The following RRH variants were observed in gnomAD, a reference collection of about 807,000 sequenced individuals.
RRH encodes visual pigment-like receptor peropsin.
In RRH, 36 loss-of-function variants were observed where a neutral mutation model predicts 33.1. That is an observed-to-expected ratio of 1.09 (90% confidence interval 0.83 to 1.44). The LOEUF (loss-of-function observed/expected upper bound fraction) is 1.44. RRH is among the 40% of genes most tolerant of loss of function. The pLI is 0.00. For synonymous variants in RRH, 124 were observed against 140.2 expected (o/e 0.88, Z 0.82); for missense variants, 393 against 420.2 (o/e 0.94, Z 0.57).
Position 109,834,527 on chromosome 4 carries a change from T to A in RRH, c.298-839T>A, listed in dbSNP as rs773967094. On this transcript the variant is annotated intron_variant, in intron 2 of 6. Coordinates refer to ENST00000317735, the MANE Select transcript of RRH (RefSeq NM_006583.5). ...TTTTTTGTATTTTTTTTTTTTTTAG[T>A]AATGACGGAGTTTCATCGTGTTAGC... Among the ~76,000 whole-genome samples the A allele has an allele frequency of 2.2e-3, 305 of 140,550 alleles. 1 individual carries two copies. Among genetic ancestry groups the A allele is most frequent in the Admixed American group, 4.9e-3 (68 of 13,970 alleles). 92.2% of individuals were successfully genotyped at this position (140,550 alleles called of 152,430 possible).
intron 5 of RRH, among the ~76,000 whole-genome samples, chr4:109,841,271 T>C (rs905110186): frequency 6.6e-6 from 1 of 152,172 alleles, no homozygotes; most frequent in Non-Finnish European, 1.5e-5. Context: ...CCTTTCATGT[T>C]CCTGGGTGGG....
intron 1 of RRH, among the ~76,000 whole-genome samples, chr4:109,829,589 G>A (rs1247007423): frequency 6.6e-6 from 1 of 151,982 alleles, no homozygotes; most frequent in African/African-American, 2.4e-5. Flanking sequence ...TATATACCAA[G>A]CACTGTTCTA....
At position 109,842,575 on chromosome 4, in the gene RRH, C is replaced by G. The variant is rs915019099; in HGVS notation, c.827C>G (p.Ala276Gly). 1 of 1,613,974 alleles carries G rather than the reference C, an allele frequency of 6.2e-7. No homozygotes were observed. Among genetic ancestry groups the G allele is most frequent in the Admixed American group, 1.7e-5 (1 of 60,016 alleles). Residue 276 changes from alanine to glycine, a missense_variant, in exon 6 of 7, where the codon GCC becomes GGC. Physicochemically the swap from Ala to Gly is moderately conservative, Grantham distance 60. Transcript: ENST00000317735. ...CCAAAGAAGATTCCTCCCCCCATGG[C>G]CATCATAGCTCCACTGTTTGCAAAA... Reference protein sequence around the residue: ...GDPKKIPPPMAIIAPLFAKSS... With the variant: ...GDPKKIPPPMGIIAPLFAKSS...
intron 1 of RRH, 23 bp downstream of exon 1, chr4:109,828,156 T>G: frequency 6.6e-7 from 1 of 1,510,938 alleles, no homozygotes; most frequent in Non-Finnish European, 9.2e-7. Flanking sequence ...AAGTAAGTTA[T>G]TTTTCTTTAG....
At chr4:109,833,645 C>G (rs1733811191) in intron 2 of RRH, among the ~76,000 whole-genome samples, 1 of 152,004 alleles carries the variant, frequency 6.6e-6, no homozygotes, top group African/African-American at 2.4e-5. Flanking sequence ...AAAAAAATAA[C>G]CTGCTTTCAT....
intron 5 of RRH, among the ~76,000 whole-genome samples, chr4:109,840,681 T>C (rs953721088): frequency 2.0e-5 from 3 of 152,076 alleles, no homozygotes; most frequent in Non-Finnish European, 4.4e-5. Flanking sequence ...TGATATTATG[T>C]ATATATTTAT....
chr4:109,835,872 T>G, intron 3 of RRH, 135 bp from the exon 4 acceptor site: 1 of 953,444 alleles, frequency 1.0e-6, no homozygotes, highest in Non-Finnish European at 1.7e-6. Context: ...GGTGTTGCAC[T>G]CATGTTTTGG....
At chr4:109,842,823 A>G (rs1340402061) in intron 6 of RRH, among the ~76,000 whole-genome samples, 176 bp downstream of exon 6, 1 of 152,236 alleles carries the variant, frequency 6.6e-6, no homozygotes, top group South Asian at 2.1e-4. Context: ...GATTTGTTAC[A>G]GACTCTTCCC....
intron 5 of RRH, among the ~76,000 whole-genome samples, chr4:109,842,083 A>T (rs1376428687): frequency 6.6e-6 from 1 of 152,172 alleles, no homozygotes; most frequent in Non-Finnish European, 1.5e-5. Flanking sequence ...GATAATAATA[A>T]TAATAGCCAT....
At chr4:109,840,908 G>GTTA (rs1733971804) in intron 5 of RRH, among the ~76,000 whole-genome samples, 1 of 151,310 alleles carries the variant, frequency 6.6e-6, no homozygotes, top group African/African-American at 2.4e-5. Context: ...TGTCTCTGTA[G>GTTA]TTATTATTAC....
Position 109,837,461 on chromosome 4 carries a change from A to C in RRH, c.576A>C (p.Thr192=). 1.2e-6 allele frequency: 2 copies of C among 1,614,060 alleles called. No individual in the cohort carries two copies. The highest frequency in any genetic ancestry group is 1.1e-5 in the South Asian group (1 of 91,080). The stretch of plus-strand genomic sequence containing the variant: ...GATCTTTTGTGTCTTACACCATGAC[A>C]GTTATTGCGATAAATTTTATTGTGC... The part of the protein sequence containing the change: ...NDRSFVSYTM[T]VIAINFIVPL... Residue 192 remains threonine, a synonymous_variant, in exon 5 of 7, where the codon ACA becomes ACC. Coordinates refer to ENST00000317735, the MANE Select transcript of RRH (RefSeq NM_006583.5).
chr4:109,828,260 C>A, intron 1 of RRH, 127 bp downstream of exon 1: 1 of 665,228 alleles, frequency 1.5e-6, no homozygotes, highest in Admixed American at 2.1e-5. Context: ...TTTATCCTGA[C>A]TTGGCTTGCT....
intron 5 of RRH, among the ~76,000 whole-genome samples, chr4:109,839,455 T>A (rs866631535): frequency 9.2e-5 from 14 of 152,224 alleles, no homozygotes; most frequent in African/African-American, 2.7e-4. Flanking sequence ...CCATTTTTTT[T>A]AAATTTCCAA....
intron 5 of RRH, among the ~76,000 whole-genome samples, chr4:109,840,217 A>C (rs1226166040): frequency 6.6e-6 from 1 of 150,900 alleles, no homozygotes; most frequent in East Asian, 1.9e-4. Context: ...TCTCATGATC[A>C]GTGATGAGCT....
At chr4:109,836,589 T>C (rs1047260167) in intron 4 of RRH, among the ~76,000 whole-genome samples, 4 of 152,236 alleles carry the variant, frequency 2.6e-5, no homozygotes, top group African/African-American at 9.6e-5. Flanking sequence ...TTCTGAGAAC[T>C]GCGTAGCAAA....
At chr4:109,836,286 A>G in intron 4 of RRH, 126 bp downstream of exon 4, 1 of 972,240 alleles carries the variant, frequency 1.0e-6, no homozygotes, top group South Asian at 1.4e-5. Context: ...CCTGGTAGTG[A>G]TGATGTGATT....
At chr4:109,833,562 ATAAC>A (rs1178336212) in intron 2 of RRH, among the ~76,000 whole-genome samples, 6 of 152,234 alleles carry the variant, frequency 3.9e-5, no homozygotes, top group East Asian at 3.8e-4. Context: ...AACAAACAAA[ATAAC>A]TAGCATTCAA....
chr4:109,839,098 GGTT>G (rs1407677691), intron 5 of RRH, among the ~76,000 whole-genome samples: 1 of 149,400 alleles, frequency 6.7e-6, no homozygotes, highest in African/African-American at 2.5e-5. Context: ...TTTCTTTTGT[GGTT>G]GTTGTTTGTT....
Position 109,828,093 on chromosome 4 carries a change from G to T in RRH, c.66G>T (p.Gln22His). ...ATGAAGATGGCTCGGTCTTTTCACA[G>T]ACTGAACACAATATTGTTGCAACTT... Reference protein sequence around the residue: ...SKNEDGSVFSQTEHNIVATYL... With the variant: ...SKNEDGSVFSHTEHNIVATYL... Residue 22 changes from glutamine (Q) to histidine (H), a missense_variant, in exon 1 of 7, where the codon CAG becomes CAT. Physicochemically the swap from Gln to His is conservative, Grantham distance 24. Coordinates refer to ENST00000317735, the MANE Select transcript of RRH (RefSeq NM_006583.5). The T allele has an allele frequency of 6.2e-7, 1 of 1,612,468 alleles. No homozygotes were observed. The highest frequency in any genetic ancestry group is 1.1e-5 in the South Asian group (1 of 91,000).
Sources: gnomAD v4.1 joint callset for allele counts (sites outside exome capture counted in the v4.1 genomes callset) on GRCh38, gnomAD v4.1.1 for gene constraint, MANE v1.5 for transcripts, NCBI Gene and HGNC (gene_info 2026-07-23, HGNC 2026-07-21) for gene names.